Variants in TRIM16 observed in about 807,000 individuals in gnomAD.
The protein encoded by TRIM16 is tripartite motif containing 16.
A neutral mutation model predicts 50.4 loss-of-function variants in TRIM16; 33 were observed. The ratio of observed to expected loss-of-function variants is 0.65; its 90% CI spans 0.50 to 0.88. The LOEUF (loss-of-function observed/expected upper bound fraction) is 0.88. Among genes scored for constraint, TRIM16 ranks in the 40% least tolerant of loss-of-function variants. The pLI is 0.00. For synonymous variants in TRIM16, 229 were observed against 270.7 expected, an observed-to-expected ratio of 0.85 and a Z score of 1.51; for missense variants, 581 against 686.8, an observed-to-expected ratio of 0.85 and a Z score of 1.72.
intron 6 of TRIM16, among the ~76,000 whole-genome samples, chr17:15,676,431 CTTTT>C (rs57392285): frequency 5.6e-5 from 7 of 125,728 alleles, no homozygotes; most frequent in East Asian, 2.3e-4. Context: ...AGAATTTTTT[CTTTT>C]TTTTTTTTTT....
Position 15,677,288 on chromosome 17 carries a change from G to A in TRIM16, c.-442-8C>T, listed in dbSNP as rs1988991173. ...TGGAAAATGGAAATCCTACTGAAGA[G>A]ATACAAACAGAATGTAATTTTAAGT... is the stretch of plus-strand genomic sequence containing the variant. On this transcript the variant is annotated splice_polypyrimidine_tract_variant and splice_region_variant and intron_variant, in intron 5 of 11. Transcript: ENST00000649191. The A allele has an allele frequency of 1.0e-6, 1 of 985,060 alleles. No individual in the cohort carries two copies. The highest frequency in any genetic ancestry group is 6.1e-5 in the Admixed American group (1 of 16,266). 61.0% of individuals were successfully genotyped at this position (985,060 alleles called of 1,614,324 possible).
chr17:15,641,096 G>A lies in TRIM16; in HGVS notation c.615+1625C>T, dbSNP rs1275264746. Among the ~76,000 whole-genome samples, 2 of 148,492 alleles carry A rather than the reference G, an allele frequency of 1.3e-5. 1 individual carries two copies. Among genetic ancestry groups the A allele is most frequent in the Non-Finnish European group, 3.0e-5 (2 of 67,096 alleles). ...TCCTGAGAAAGGATAGTGGAAGGGA[G>A]GTGTCAGATGATATTGGTGGATTGA... On this transcript the variant is annotated intron_variant, in intron 8 of 11. Transcript: ENST00000649191.
chr17:15,639,041 CTCTCTT>C (rs1386591753), intron 8 of TRIM16, among the ~76,000 whole-genome samples: 1 of 137,784 alleles, frequency 7.3e-6, no homozygotes, highest in African/African-American at 2.8e-5. Context: ...TACATTCTCT[CTCTCTT>C]TTTTTTTTTT....
At chr17:15,643,893 T>C (rs938470380) in intron 7 of TRIM16, among the ~76,000 whole-genome samples, 3 of 152,150 alleles carry the variant, frequency 2.0e-5, no homozygotes, top group African/African-American at 4.8e-5. Flanking sequence ...AATTTACTTA[T>C]GAATAGGAAA....
intron 1 of TRIM16, chr17:15,683,972 C>T (rs1257661497): frequency 6.6e-6 from 1 of 152,158 alleles, no homozygotes; most frequent in Admixed American, 6.5e-5. Flanking sequence ...AGCCGGTTTC[C>T]AAGCAAACGA....
chr17:15,659,114 T>C (rs1284828571), intron 6 of TRIM16, among the ~76,000 whole-genome samples: 2 of 152,182 alleles, frequency 1.3e-5, no homozygotes, highest in African/African-American at 2.4e-5. Context: ...AGAGACGAGA[T>C]TGCCAGCTCA....
intron 6 of TRIM16, among the ~76,000 whole-genome samples, chr17:15,672,376 T>C (rs1988763518): frequency 6.7e-6 from 1 of 149,970 alleles, no homozygotes; most frequent in South Asian, 2.2e-4. Flanking sequence ...AGAGGAATTA[T>C]ATTCTCCATC....
chr17:15,628,767 T>C lies in TRIM16; in HGVS notation c.1543A>G (p.Thr515Ala), dbSNP rs573863452. Residue 515 changes from threonine to alanine, a missense_variant, in exon 12 of 12, where the codon ACC (threonine) becomes GCC (alanine). This residue lies in a region of TRIM16 where 115 missense variants were observed against 106.7 expected (regional missense o/e 1.08). Transcript: ENST00000649191. ...GCAAACTTGTGAACCAGAGTCATGG[T>C]ATCATACTCTACGCCATAGAAGGAA... ...ILSFYGVEYD[T>A]MTLVHKFACK... 1.2e-6 allele frequency: 2 copies of C among 1,614,212 alleles called. No individual in the cohort carries two copies. The highest frequency in any genetic ancestry group is 1.7e-6 in the Non-Finnish European group (2 of 1,180,042).
Position 15,651,429 on chromosome 17 carries a change from C to A in TRIM16, c.181G>T (p.Asp61Tyr). ...LGRETEEQDSDSAEQGDPAGE... is the reference protein window; with the variant it reads ...LGRETEEQDSYSAEQGDPAGE... Reference sequence around the variant, plus strand: ...GCAGGATCCCCCTGCTCTGCAGAGTCGCTGTCCTGTTCCTCCGTCTCCCTG... The same window carrying A: ...GCAGGATCCCCCTGCTCTGCAGAGTAGCTGTCCTGTTCCTCCGTCTCCCTG... Residue 61 changes from aspartate (D) to tyrosine (Y), a missense_variant, in exon 7 of 12, where the codon GAC becomes TAC. Around this residue, in one of 3 missense-constraint regions of TRIM16, gnomAD observed 450 missense variants for 544.3 expected, o/e 0.83. Coordinates refer to ENST00000649191, the MANE Select transcript of TRIM16 (RefSeq NM_001348119.1). The A allele has an allele frequency of 6.2e-7, 1 of 1,613,660 alleles. No homozygotes were observed. The highest frequency in any genetic ancestry group is 8.5e-7 in the Non-Finnish European group (1 of 1,179,642).
chr17:15,676,431 C>CTT (rs57392285), intron 6 of TRIM16, among the ~76,000 whole-genome samples: 1 of 125,722 alleles, frequency 8.0e-6, no homozygotes, highest in African/African-American at 3.1e-5. Flanking sequence ...AGAATTTTTT[C>CTT]TTTTTTTTTT....
chr17:15,651,899 T>C lies in TRIM16; in HGVS notation c.-290A>G, dbSNP rs1733509640. ...GAAACTTCTATTCTTATGTGAATCA[T>C]CTGAACCCCATAGGCTCTGCTGAAG... On this transcript the variant is annotated 5_prime_UTR_variant, in exon 7 of 12. An upstream start codon of the reference 5' UTR is lost. Coordinates refer to ENST00000649191, the MANE Select transcript of TRIM16 (RefSeq NM_001348119.1). The C allele has an allele frequency of 5.9e-6, 8 of 1,357,362 alleles. No homozygotes were observed. Among genetic ancestry groups the C allele is most frequent in the South Asian group, 1.5e-5 (1 of 65,432 alleles). 84.1% of individuals were successfully genotyped at this position (1,357,362 alleles called of 1,614,324 possible). A position where few individuals can be genotyped will look rare whatever the true frequency, so the allele number is the denominator to read the frequency against.
chr17:15,629,240 C>G lies in TRIM16; in HGVS notation c.1112-42G>C, dbSNP rs778590300. 5.3e-6 allele frequency: 8 copies of G among 1,502,404 alleles called. No individual in the cohort carries two copies. In the Admixed American group the frequency reaches 1.7e-4, roughly 31 times the overall value. The allele number at this position is 1,502,404 out of a possible 1,614,324, so 93.1% of individuals were successfully genotyped here. A position where few individuals can be genotyped will look rare whatever the true frequency, so the allele number is the denominator to read the frequency against. ...GGCAGGAGAGTGGTTCAGGAACTGA[C>G]AGCTGATTCAGACAGAATGCTTTAA... is the stretch of plus-strand genomic sequence containing the variant. On this transcript the variant is annotated intron_variant, in intron 11 of 11. Transcript: ENST00000649191.
At position 15,634,585 on chromosome 17, in the gene TRIM16, C is replaced by T. The variant is rs571947707; in HGVS notation, c.849+1451G>A. ...GGTGGAGCTTGCAGTGAGCAGAGAT[C>T]GTGCCATTGCACTCCAGCCTGGGCA... On this transcript the variant is annotated intron_variant, in intron 9 of 11. Coordinates refer to ENST00000649191, the MANE Select transcript of TRIM16 (RefSeq NM_001348119.1). Among the ~76,000 whole-genome samples, 11 of 141,836 alleles carry T rather than the reference C, an allele frequency of 7.8e-5. 1 individual carries two copies. The highest frequency in any genetic ancestry group is 2.1e-4 in the African/African-American group (8 of 37,678). 93.0% of individuals were successfully genotyped at this position (141,836 alleles called of 152,430 possible).
intron 6 of TRIM16, among the ~76,000 whole-genome samples, chr17:15,663,527 C>T (rs1461158588): frequency 6.6e-6 from 1 of 152,048 alleles, no homozygotes; most frequent in Non-Finnish European, 1.5e-5. Context: ...GTCAGTAAGC[C>T]GAGGATAAAG....
chr17:15,667,931 G>A lies in TRIM16; in HGVS notation c.-338+9245C>T, dbSNP rs1184770660. Among the ~76,000 whole-genome samples, 6 of 150,602 alleles carry A rather than the reference G, an allele frequency of 4.0e-5. No homozygotes were observed. The East Asian group carries it at 7.8e-4, about 19-fold the overall frequency. ...CCTTTGTATGTCCCAGGATCCCGCC[G>A]GGACACTGTTCCACTCTCAACCCCA... On this transcript the variant is annotated intron_variant, in intron 6 of 11. Transcript: ENST00000649191.
chr17:15,634,645 A>AAT (rs1555552955), intron 9 of TRIM16, among the ~76,000 whole-genome samples: 9 of 143,656 alleles, frequency 6.3e-5, no homozygotes, highest in African/African-American at 2.4e-4. Flanking sequence ...AAAAAAAAAA[A>AAT]ACAAATAAAA....
At chr17:15,670,418 C>T (rs1220670720) in intron 6 of TRIM16, among the ~76,000 whole-genome samples, 5 of 152,152 alleles carry the variant, frequency 3.3e-5, no homozygotes, top group African/African-American at 1.2e-4. Flanking sequence ...CACGTCGAAG[C>T]GTCCCTATGC....
At chr17:15,650,077 C>A (rs1195152386) in intron 7 of TRIM16, among the ~76,000 whole-genome samples, 2 of 152,166 alleles carry the variant, frequency 1.3e-5, no homozygotes, top group African/African-American at 4.8e-5. Context: ...CCCACTAGCA[C>A]CAGCTAAAAT....
intron 6 of TRIM16, chr17:15,658,686 G>T: frequency 2.8e-6 from 1 of 362,424 alleles, no homozygotes; most frequent in Non-Finnish European, 3.8e-6. Flanking sequence ...TGACATCTAA[G>T]TCAGTCCTCC....
Sources: allele counts gnomAD v4.1 joint callset (sites outside exome capture counted in the v4.1 genomes callset), GRCh38; gene constraint gnomAD v4.1.1; regional missense constraint gnomAD v4.1.1; transcripts MANE v1.5; gene names NCBI Gene and HGNC (gene_info 2026-07-23, HGNC 2026-07-21).